The following GLYATL1 variants were observed in gnomAD, a reference collection of about 807,000 sequenced individuals.
GLYATL1 encodes the protein glycine-N-acyltransferase like 1, also known as glycine N-acyltransferase-like protein 1.
A neutral mutation model predicts 20.0 loss-of-function variants in GLYATL1; 15 were observed. The observed-to-expected ratio is 0.75, with a 90% CI of 0.50 to 1.15. The LOEUF (loss-of-function observed/expected upper bound fraction) is 1.15. Ranked by LOEUF, GLYATL1 falls within the 50% of genes most tolerant of loss-of-function variation. The pLI, the probability that GLYATL1 is intolerant of heterozygous loss-of-function variation, is 0.00. For synonymous variants in GLYATL1, 151 were observed against 131.5 expected, an observed-to-expected ratio of 1.15 and a Z score of -1.01; for missense variants, 380 against 368.5, an observed-to-expected ratio of 1.03 and a Z score of -0.26.
At chr11:58,918,306 C>T (rs1314760302) in intron 1 of GLYATL1, among the ~76,000 whole-genome samples, 1 of 152,176 alleles carries the variant, frequency 6.6e-6, no homozygotes, top group Non-Finnish European at 1.5e-5. Context: ...TCCTGGTTTC[C>T]AGGTTTGGAC....
Position 58,951,178 on chromosome 11 carries a change from T to C in GLYATL1, c.186+3213T>C, listed in dbSNP as rs191104494. ...CTCATTTTGTCTTACAGTGAGTTAA[T>C]TGTTACTTTTGACATTGCAAACTTC... On this transcript the variant is annotated intron_variant, in intron 4 of 6. Transcript: ENST00000532726. Among the ~76,000 whole-genome samples the C allele has an allele frequency of 3.6e-3, 545 of 152,248 alleles. 3 individuals are homozygous for C. Among genetic ancestry groups the C allele is most frequent in the Non-Finnish European group, 4.2e-3 (283 of 67,976 alleles).
chr11:58,916,473 A>T (rs1855174725), intron 1 of GLYATL1, among the ~76,000 whole-genome samples: 1 of 152,196 alleles, frequency 6.6e-6, no homozygotes, highest in African/African-American at 2.4e-5. Flanking sequence ...GATGTTAAAC[A>T]AGTAGCCCAA....
At chr11:58,950,493 T>C (rs1313170197) in intron 4 of GLYATL1, among the ~76,000 whole-genome samples, 1 of 152,232 alleles carries the variant, frequency 6.6e-6, no homozygotes, top group Admixed American at 6.5e-5. Context: ...GGGTTCAAAC[T>C]GTTCATACTT....
intron 1 of GLYATL1, among the ~76,000 whole-genome samples, chr11:58,919,618 T>A (rs909467743): frequency 4.6e-5 from 7 of 152,114 alleles, no homozygotes; most frequent in Non-Finnish European, 7.4e-5. Context: ...GGGGAAAGCC[T>A]CAAACAACCC....
upstream of GLYATL1, among the ~76,000 whole-genome samples, chr11:58,936,531 G>A (rs1476600913): frequency 6.6e-6 from 1 of 152,226 alleles, no homozygotes; most frequent in Admixed American, 6.5e-5. Flanking sequence ...AAGAAGGCAG[G>A]TGTCTTTCTT....
upstream of GLYATL1, among the ~76,000 whole-genome samples, chr11:58,939,130 G>A (rs1386066456): frequency 2.6e-5 from 4 of 152,090 alleles, no homozygotes; most frequent in Admixed American, 6.6e-5. Context: ...CCTTAGTAAA[G>A]GACCCCTACG....
chr11:58,919,763 G>T (rs1382449645), intron 1 of GLYATL1, among the ~76,000 whole-genome samples: 1 of 152,222 alleles, frequency 6.6e-6, no homozygotes, highest in Admixed American at 6.5e-5. Flanking sequence ...GGCCCCTGCT[G>T]AGGGTTGTTC....
At chr11:58,943,421 C>G in intron 1 of GLYATL1, 122 bp from the exon 2 acceptor site, 1 of 1,526,406 alleles carries the variant, frequency 6.6e-7, no homozygotes, top group Non-Finnish European at 8.8e-7. Flanking sequence ...ATTTTGACCA[C>G]GAGGCACCCC....
Position 58,920,532 on chromosome 11 carries a change from C to T in GLYATL1, n.264+14871C>T, listed in dbSNP as rs185123515. On this transcript the variant is annotated intron_variant and non_coding_transcript_variant, in intron 1 of 2. Coordinates refer to the GLYATL1 transcript ENST00000534674. ...TGAAACTGCTCAAATCAGTAAAATA[C>T]TCAATGTCCGGGTCTCCGAGGGGCT... 2.0e-3 allele frequency among the ~76,000 whole-genome samples: 299 copies of T among 152,270 alleles called. 1 individual carries two copies. Among genetic ancestry groups the T allele is most frequent in the African/African-American group, 6.6e-3 (275 of 41,552 alleles).
chr11:58,938,489 C>T (rs1695482991), upstream of GLYATL1, among the ~76,000 whole-genome samples: 1 of 152,156 alleles, frequency 6.6e-6, no homozygotes, highest in Non-Finnish European at 1.5e-5. Context: ...ATTCAGAGAT[C>T]CCATGTTCAT....
At chr11:58,950,371 A>T (rs151276714) in intron 4 of GLYATL1, among the ~76,000 whole-genome samples, 114 of 152,224 alleles carry the variant, frequency 7.5e-4, no homozygotes, top group South Asian at 2.1e-3. Context: ...TGCCTTTAAC[A>T]TATGGACATC....
At chr11:58,928,042 A>G (rs1855475023) in intron 1 of GLYATL1, among the ~76,000 whole-genome samples, 3 of 152,014 alleles carry the variant, frequency 2.0e-5, no homozygotes, top group African/African-American at 7.2e-5. Flanking sequence ...ATCTCTCCCC[A>G]CTTGTTTCCC....
chr11:58,908,658 A>G (rs1221134783), downstream of GLYATL1: 1 of 152,694 alleles, frequency 6.5e-6, no homozygotes, highest in Non-Finnish European at 1.5e-5. Flanking sequence ...TCCTTATCTT[A>G]GGCTGTTTAA....
In GLYATL1 at chr11:58,941,561, A is replaced by C. The variant is rs376280757; in HGVS notation, c.-167+1911A>C. On this transcript the variant is annotated intron_variant, in intron 1 of 6. Transcript: ENST00000532726. ...ATAGCCATCCCATTACTGGGTATAT[A>C]CCCAAAGGGGAGGAGTAGTAATTTT... 6.6e-5 allele frequency among the ~76,000 whole-genome samples: 10 copies of C among 152,182 alleles called. No individual in the cohort carries two copies. The East Asian group carries it at 2.0e-3, about 30-fold the overall frequency.
chr11:58,920,105 C>T (rs1034190140), intron 1 of GLYATL1, among the ~76,000 whole-genome samples: 1 of 152,170 alleles, frequency 6.6e-6, no homozygotes, highest in South Asian at 2.1e-4. Flanking sequence ...GCCATTGCTG[C>T]CTGTTTTGCC....
chr11:58,914,806 T>C (rs1003604916), intron 1 of GLYATL1, among the ~76,000 whole-genome samples: 1 of 152,192 alleles, frequency 6.6e-6, no homozygotes, highest in Non-Finnish European at 1.5e-5. Context: ...AAATGCATTA[T>C]GGGGGTGGAG....
Position 58,950,056 on chromosome 11 carries a change from C to T in GLYATL1, c.186+2091C>T, listed in dbSNP as rs796557698. Reference sequence around the variant, plus strand: ...CAGCACTTTGGGAGGCCGAGGCAGGCGGATCACGAGGTCAGGAGATCGAGA... The same window carrying T: ...CAGCACTTTGGGAGGCCGAGGCAGGTGGATCACGAGGTCAGGAGATCGAGA... On this transcript the variant is annotated intron_variant, in intron 4 of 6. Transcript: ENST00000532726. Among the ~76,000 whole-genome samples the T allele has an allele frequency of 1.1e-4, 15 of 137,278 alleles. No individual in the cohort carries two copies. In the East Asian group the frequency reaches 1.8e-3, roughly 16 times the overall value. The allele number at this position is 137,278 out of a possible 152,430, so 90.1% of individuals were successfully genotyped here.
In GLYATL1 at chr11:58,955,784, C is replaced by G; in HGVS notation, c.666C>G (p.Thr222=). The G allele has an allele frequency of 6.2e-7, 1 of 1,614,198 alleles. No individual in the cohort carries two copies. The highest frequency in any genetic ancestry group is 8.5e-7 in the Non-Finnish European group (1 of 1,180,030). The part of the protein sequence containing the change: ...GPEGVPVSWV[T]MDPSCEVGMA... ...AGGGAGTCCCGGTCTCATGGGTAACCATGGACCCTTCTTGTGAAGTAGGAA... is the reference window on the plus strand; with the variant it reads ...AGGGAGTCCCGGTCTCATGGGTAACGATGGACCCTTCTTGTGAAGTAGGAA... The change falls in exon 7 of 7, where the codon ACC becomes ACG. Residue 222 remains threonine, a synonymous_variant. Coordinates refer to ENST00000532726, the MANE Select transcript of GLYATL1 (RefSeq NM_001389712.2).
upstream of GLYATL1, among the ~76,000 whole-genome samples, chr11:58,922,690 T>C (rs1855337243): frequency 6.6e-6 from 1 of 152,222 alleles, no homozygotes; most frequent in Admixed American, 6.5e-5. Flanking sequence ...TGACTTTGCC[T>C]TTGTCTCTTT....
Sources: allele counts gnomAD v4.1 joint callset (sites outside exome capture counted in the v4.1 genomes callset), GRCh38; gene constraint gnomAD v4.1.1; transcripts MANE v1.5; gene names NCBI Gene and HGNC (gene_info 2026-07-23, HGNC 2026-07-21).